SUMF1: variants seen among roughly 807,000 people sequenced by gnomAD.
The protein encoded by SUMF1 is sulfatase modifying factor 1.
Under a neutral mutation model 47.6 loss-of-function variants are expected in SUMF1, and 48 were observed. The ratio of observed to expected loss-of-function variants is 1.01; its 90% confidence interval spans 0.80 to 1.28. SUMF1 has a LOEUF of 1.28. Ranked by LOEUF, SUMF1 falls within the 50% of genes most tolerant of loss-of-function variation. SUMF1 has a pLI of 0.00. For missense variants in SUMF1, 571 were observed against 485.4 expected (o/e 1.18, Z -1.66); for synonymous variants, 230 against 192.1 (o/e 1.20, Z -1.63).
In SUMF1 at chr3:4,100,795, C is replaced by T. The variant is rs372904587; in HGVS notation, c.1015-32050G>A. On this transcript the variant is annotated intron_variant and NMD_transcript_variant, in intron 8 of 12. Coordinates refer to the SUMF1 transcript ENST00000448413. ...ATTCAAAATATATAAAGAACTCAAA[C>T]TACCCAATAACAAGAAAACAAATAA... Among the ~76,000 whole-genome samples the T allele has an allele frequency of 8.6e-5, 13 of 152,046 alleles. 2 individuals are homozygous for T. Among genetic ancestry groups the T allele is most frequent in the Admixed American group, 6.5e-5 (1 of 15,284 alleles).
intron 8 of SUMF1, among the ~76,000 whole-genome samples, chr3:4,165,197 C>A (rs1694670589): frequency 6.6e-6 from 1 of 152,144 alleles, no homozygotes; most frequent in Non-Finnish European, 1.5e-5. Flanking sequence ...TCATTAAAGG[C>A]CATGGTTTGA....
chr3:4,198,348 C>A (rs972462431), intron 8 of SUMF1, among the ~76,000 whole-genome samples: 5 of 152,212 alleles, frequency 3.3e-5, no homozygotes, highest in African/African-American at 1.2e-4. Flanking sequence ...CTGCAGAGAT[C>A]ATTCTGAAGG....
At chr3:4,084,164 T>C (rs1692624128) in intron 8 of SUMF1, among the ~76,000 whole-genome samples, 1 of 152,058 alleles carries the variant, frequency 6.6e-6, no homozygotes, top group East Asian at 1.9e-4. Flanking sequence ...AAGAAAGGCA[T>C]CTCTTCCATG....
At chr3:4,156,505 A>G (rs1421720448) in intron 8 of SUMF1, among the ~76,000 whole-genome samples, 1 of 151,692 alleles carries the variant, frequency 6.6e-6, no homozygotes, top group Non-Finnish European at 1.5e-5. Context: ...CTGGAACAGA[A>G]AGGCATCTAT....
chr3:4,466,582 G>A (rs779211814), intron 1 of SUMF1, among the ~76,000 whole-genome samples: 4 of 152,126 alleles, frequency 2.6e-5, no homozygotes, highest in Non-Finnish European at 4.4e-5. Flanking sequence ...TGTACTCGAG[G>A]AGACTACAGA....
At chr3:4,417,013 T>C (rs1458753846) in intron 6 of SUMF1, 115 bp downstream of exon 6, 8 of 927,458 alleles carry the variant, frequency 8.6e-6, no homozygotes, top group African/African-American at 1.6e-5. Flanking sequence ...AGTGAATGCA[T>C]ACACGAAGGG....
chr3:4,256,305 C>CA (rs1389580037), intron 8 of SUMF1, among the ~76,000 whole-genome samples: 2 of 99,400 alleles, frequency 2.0e-5, no homozygotes, highest in African/African-American at 8.1e-5. Flanking sequence ...AAAAACCCTT[C>CA]AAAAAATCAA....
At chr3:4,435,557 C>G (rs1702370479) in intron 3 of SUMF1, among the ~76,000 whole-genome samples, 1 of 152,012 alleles carries the variant, frequency 6.6e-6, no homozygotes, top group African/African-American at 2.4e-5. Flanking sequence ...TCAAGAAACC[C>G]CAAATAGGAT....
At chr3:4,339,034 C>G (rs1239659257) in intron 8 of SUMF1, among the ~76,000 whole-genome samples, 1 of 152,140 alleles carries the variant, frequency 6.6e-6, no homozygotes, top group African/African-American at 2.4e-5. Flanking sequence ...CAACCAAGTT[C>G]AAACTCTTTA....
chr3:4,366,067 A>G (rs371918192), intron 8 of SUMF1, among the ~76,000 whole-genome samples: 3 of 151,480 alleles, frequency 2.0e-5, no homozygotes, highest in South Asian at 2.1e-4. Context: ...TGGCTTGTAG[A>G]GTTTCTGCCG....
intron 8 of SUMF1, among the ~76,000 whole-genome samples, chr3:4,173,656 T>TA (rs1694882966): frequency 6.6e-6 from 1 of 152,198 alleles, no homozygotes; most frequent in East Asian, 1.9e-4. Flanking sequence ...TAGACTGGAT[T>TA]AAAAAAATGT....
intron 8 of SUMF1, among the ~76,000 whole-genome samples, chr3:4,243,124 T>G (rs1372744139): frequency 1.3e-5 from 2 of 152,238 alleles, no homozygotes; most frequent in Non-Finnish European, 2.9e-5. Flanking sequence ...TTTATCATTT[T>G]TTATTGCGTC....
At chr3:4,252,239 CCATGAGCTA>C (rs1180002406) in intron 8 of SUMF1, among the ~76,000 whole-genome samples, 1 of 152,134 alleles carries the variant, frequency 6.6e-6, no homozygotes, top group Non-Finnish European at 1.5e-5. Context: ...GTCCTCTTCT[CCATGAGCTA>C]CATAAGTGTC....
intron 8 of SUMF1, among the ~76,000 whole-genome samples, chr3:4,299,597 T>C (rs1333712156): frequency 3.3e-5 from 5 of 152,168 alleles, no homozygotes; most frequent in African/African-American, 1.2e-4. Flanking sequence ...TCACTTGAGG[T>C]CAGGAGTTTG....
rs144585959 is a variant in SUMF1, at chr3:4,229,707, T to A, written c.1014+146623A>T. On this transcript the variant is annotated intron_variant and NMD_transcript_variant, in intron 8 of 12. Coordinates refer to the SUMF1 transcript ENST00000448413. ...TTCCAAATAGATACATTAAAAATTA[T>A]TAACAACACTAAAAGAAACTTCAGA... 1.4e-3 allele frequency among the ~76,000 whole-genome samples: 215 copies of A among 152,176 alleles called. 2 individuals carry two copies. The highest frequency in any genetic ancestry group is 4.8e-3 in the African/African-American group (198 of 41,550).
At chr3:4,269,421 C>T (rs1697262184) in intron 8 of SUMF1, among the ~76,000 whole-genome samples, 1 of 152,162 alleles carries the variant, frequency 6.6e-6, no homozygotes, top group Non-Finnish European at 1.5e-5. Context: ...TAATAGCATT[C>T]CAATTTTTTA....
chr3:4,113,427 G>A (rs934805912), intron 8 of SUMF1, among the ~76,000 whole-genome samples: 1 of 151,962 alleles, frequency 6.6e-6, no homozygotes, highest in African/African-American at 2.4e-5. Flanking sequence ...TATGTGGGGG[G>A]CTGAGGCAGG....
chr3:4,171,705 T>C (rs755838666), intron 8 of SUMF1, among the ~76,000 whole-genome samples: 1 of 152,134 alleles, frequency 6.6e-6, no homozygotes, highest in African/African-American at 2.4e-5. Context: ...GAATGACTGA[T>C]GTTCCAGATA....
chr3:4,387,107 C>T (rs1559264766), intron 7 of SUMF1, among the ~76,000 whole-genome samples: 1 of 151,826 alleles, frequency 6.6e-6, no homozygotes, highest in Non-Finnish European at 1.5e-5. Flanking sequence ...ATACTAGCTT[C>T]GTAAAATGAT....
Sources: allele counts gnomAD v4.1 joint callset (sites outside exome capture counted in the v4.1 genomes callset), GRCh38; gene constraint gnomAD v4.1.1; transcripts MANE v1.5; gene names NCBI Gene and HGNC (gene_info 2026-07-23, HGNC 2026-07-21).